The following ZNF69 variants were observed in gnomAD, a reference collection of about 807,000 sequenced individuals.
The protein encoded by ZNF69 is zinc finger protein 69.
A neutral mutation model predicts 50.9 loss-of-function variants in ZNF69; 47 were observed. The observed-to-expected ratio is 0.92, with a 90% CI of 0.73 to 1.18. The LOEUF is 1.18. ZNF69 is among the 50% of genes most tolerant of loss of function. ZNF69 has a pLI of 0.00. For synonymous variants in ZNF69, 216 were observed against 223.1 expected (o/e 0.97, Z 0.29); for missense variants, 717 against 675.1 (o/e 1.06, Z -0.69).
the ZNF69 span, among the ~76,000 whole-genome samples, chr19:11,936,498 G>A: frequency 6.6e-6 from 1 of 152,184 alleles, no homozygotes; most frequent in Non-Finnish European, 1.5e-5. Context: ...TTTGAGAAAT[G>A]TCTGTTCATG....
At position 11,906,348 on chromosome 19, in the gene ZNF69, T is replaced by G. The variant is rs1972374158; in HGVS notation, c.*250T>G. 1.9e-6 allele frequency: 2 copies of G among 1,071,894 alleles called. No individual in the cohort carries two copies. Among genetic ancestry groups the G allele is most frequent in the Admixed American group, 3.8e-5 (1 of 26,260 alleles). 66.4% of individuals were successfully genotyped at this position (1,071,894 alleles called of 1,614,324 possible). A position where few individuals can be genotyped will look rare whatever the true frequency, so the allele number is the denominator to read the frequency against. ...GTAGCAGTCCTCCCAGCATGGAGTT[T>G]GAGATCTAAGAATGGACAGTCTGCC... is the stretch of plus-strand genomic sequence containing the variant. On this transcript the variant is annotated 3_prime_UTR_variant, in exon 4 of 4. Coordinates refer to ENST00000429654, the MANE Select transcript of ZNF69 (RefSeq NM_001364730.1).
the ZNF69 span, among the ~76,000 whole-genome samples, chr19:11,951,772 T>C: frequency 1.3e-5 from 2 of 152,246 alleles, no homozygotes; most frequent in Non-Finnish European, 2.9e-5. Flanking sequence ...TTATCACATT[T>C]AGAAATATAG....
At chr19:11,953,885 TTAA>T in the ZNF69 span, among the ~76,000 whole-genome samples, 7 of 150,846 alleles carry the variant, frequency 4.6e-5, no homozygotes, top group African/African-American at 1.0e-4. Context: ...CTTTACACAA[TTAA>T]TAAGGTTTTA....
the ZNF69 span, among the ~76,000 whole-genome samples, chr19:11,924,738 T>G: frequency 1.3e-5 from 2 of 152,138 alleles, no homozygotes; most frequent in Non-Finnish European, 2.9e-5. Flanking sequence ...CTGGTCTCGG[T>G]TCCCCTGCTG....
chr19:11,948,678 G>A, the ZNF69 span: 2 of 1,612,166 alleles, frequency 1.2e-6, no homozygotes, highest in Non-Finnish European at 1.7e-6. Context: ...TGCACAGTGG[G>A]GATGGAACTT....
At chr19:11,944,794 C>T in the ZNF69 span, among the ~76,000 whole-genome samples, 1 of 152,350 alleles carries the variant, frequency 6.6e-6, no homozygotes, top group East Asian at 1.9e-4. Flanking sequence ...TAATACATCG[C>T]TGTGCCACTG....
the ZNF69 span, among the ~76,000 whole-genome samples, chr19:11,938,012 T>C: frequency 6.6e-6 from 1 of 152,152 alleles, no homozygotes; most frequent in Non-Finnish European, 1.5e-5. Flanking sequence ...GGAACACTAC[T>C]CATAAATGGG....
the ZNF69 span, chr19:11,950,542 A>C: frequency 1.3e-5 from 8 of 594,982 alleles, no homozygotes; most frequent in Non-Finnish European, 2.2e-5. Flanking sequence ...GAATGTAAGC[A>C]ATGTGGGAAA....
the ZNF69 span, among the ~76,000 whole-genome samples, chr19:11,929,487 T>C: frequency 9.4e-5 from 14 of 148,426 alleles, 3 homozygotes; most frequent in African/African-American, 3.7e-4. Flanking sequence ...AAACAGCCTA[T>C]GTAGGTAGAA....
chr19:11,959,224 A>T, the ZNF69 span, among the ~76,000 whole-genome samples: 1 of 152,138 alleles, frequency 6.6e-6, no homozygotes, highest in East Asian at 1.9e-4. Flanking sequence ...GGGTGTTAGG[A>T]TTTTAATTAG....
the ZNF69 span, among the ~76,000 whole-genome samples, chr19:11,922,156 G>T: frequency 5.3e-5 from 8 of 151,402 alleles, no homozygotes; most frequent in East Asian, 1.2e-3. Context: ...TTCTTTTACT[G>T]TTACTCTTTT....
intron 1 of ZNF69, among the ~76,000 whole-genome samples, chr19:11,897,891 A>T (rs1972162129): frequency 6.6e-6 from 1 of 151,832 alleles, no homozygotes; most frequent in South Asian, 2.1e-4. Flanking sequence ...AAAAAAGAAA[A>T]GAAAAGAAAA....
rs771242313 is a variant in ZNF69, at chr19:11,905,828, T to G, written c.1431T>G (p.Pro477=). Residue 477 remains proline (P), a synonymous_variant, in exon 4 of 4, where the codon CCT becomes CCG. Transcript: ENST00000429654. ...THVRIHSGER[P]YKCKLCGKGF... is the part of the protein sequence containing the mutation. The stretch of plus-strand genomic sequence containing the variant: ...TAAGAATACACTCTGGAGAAAGACC[T>G]TATAAATGTAAGCTATGTGGGAAAG... 8.7e-5 allele frequency: 140 copies of G among 1,613,260 alleles called. No homozygotes were observed. The highest frequency in any genetic ancestry group is 4.9e-4 in the Middle Eastern group (3 of 6,076).
At chr19:11,913,473 C>T (rs1972488277) in exon 5 of ZNF69, 6 of 492,822 alleles carry the variant, frequency 1.2e-5, no homozygotes. Context: ...GCTGCAACCT[C>T]TGCCTCCAGG....
chr19:11,979,138 T>C, the ZNF69 span: 1 of 1,612,800 alleles, frequency 6.2e-7, no homozygotes, highest in Non-Finnish European at 8.5e-7. Flanking sequence ...AGGCCTTTAT[T>C]CTGCCAAGTC....
the ZNF69 span, among the ~76,000 whole-genome samples, chr19:11,970,087 C>T: frequency 6.6e-6 from 1 of 152,214 alleles, no homozygotes; most frequent in African/African-American, 2.4e-5. Flanking sequence ...TACTCTTCAT[C>T]TACATAACCA....
At chr19:11,932,715 G>A in the ZNF69 span, among the ~76,000 whole-genome samples, 10 of 139,908 alleles carry the variant, frequency 7.1e-5, no homozygotes, top group Admixed American at 1.5e-4. Flanking sequence ...TCGGCTCACT[G>A]CAAGCTCCGC....
rs750082012 is a variant in ZNF69 at position 11,905,863 on chromosome 19, G to A, written c.1466G>A (p.Cys489Tyr). Reference protein sequence around the residue: ...KCKLCGKGFYCPKSLQRHEKT... With the variant: ...KCKLCGKGFYYPKSLQRHEKT... Reference sequence around the variant, plus strand: ...AAGCTATGTGGGAAAGGCTTTTATTGTCCCAAATCATTGCAAAGACATGAA... The same window carrying A: ...AAGCTATGTGGGAAAGGCTTTTATTATCCCAAATCATTGCAAAGACATGAA... Residue 489 changes from cysteine to tyrosine, a missense_variant, in exon 4 of 4, where the codon TGT (cysteine) becomes TAT (tyrosine). By Grantham distance (194) the Cys-to-Tyr change is radical. Coordinates refer to ENST00000429654, the MANE Select transcript of ZNF69 (RefSeq NM_001364730.1). 6.2e-7 allele frequency: 1 copy of A among 1,612,584 alleles called. No individual in the cohort carries two copies. Among genetic ancestry groups the A allele is most frequent in the African/African-American group, 1.3e-5 (1 of 74,474 alleles).
At chr19:11,963,088 A>AGAGAGAGAGAGAGAGAGAGTGT in the ZNF69 span, among the ~76,000 whole-genome samples, 32 of 138,312 alleles carry the variant, frequency 2.3e-4, 1 homozygote, top group African/African-American at 8.2e-4. Flanking sequence ...AGAGAGAGAG[A>AGAGAGAGAGAGAGAGAGAGTGT]GTGTGTGTGT....
Sources: gnomAD v4.1 joint callset for allele counts (sites outside exome capture counted in the v4.1 genomes callset) on GRCh38, gnomAD v4.1.1 for gene constraint, MANE v1.5 for transcripts, NCBI Gene and HGNC (gene_info 2026-07-23, HGNC 2026-07-21) for gene names.